PCDHGB4: variants seen among roughly 807,000 people sequenced by gnomAD.
The protein encoded by PCDHGB4 is protocadherin gamma subfamily B, 4.
Under a neutral mutation model 60.5 loss-of-function variants are expected in PCDHGB4, and 38 were observed. The observed-to-expected ratio is 0.63, with a 90% confidence interval of 0.48 to 0.82. The LOEUF (loss-of-function observed/expected upper bound fraction) is 0.82, where lower values mean the gene tolerates loss of function less well. Ranked by LOEUF, PCDHGB4 falls within the 40% of genes least tolerant of loss-of-function variation. The pLI is 0.00. For synonymous variants in PCDHGB4, 456 were observed against 509.7 expected (o/e 0.89, Z 1.42); for missense variants, 1,109 against 1,209.6 (o/e 0.92, Z 1.23).
chr5:141,490,061 A>T lies in PCDHGB4; in HGVS notation c.2398-4746A>T. The stretch of plus-strand genomic sequence containing the variant: ...GCCACTGATCCAGACGAGGGCACCA[A>T]CGGCCAACTAGACTATTCTTTTGGA... On this transcript the variant is annotated intron_variant, in intron 1 of 3. Transcript: ENST00000519479. This position sits in a 1 kb window ranked among gnomAD's most constrained non-coding sequence, Gnocchi z 5.4. 1 of 1,614,214 alleles carries T rather than the reference A, an allele frequency of 6.2e-7. No homozygotes were observed. The highest frequency in any genetic ancestry group is 8.5e-7 in the Non-Finnish European group (1 of 1,180,030).
chr5:141,400,369 T>C (rs2150855153), intron 1 of PCDHGB4: 2 of 1,614,078 alleles, frequency 1.2e-6, no homozygotes, highest in Admixed American at 3.3e-5. Context: ...GCCTTATTCC[T>C]ACAACCTATG....
In PCDHGB4 at chr5:141,431,371, A is replaced by G. The variant is rs2097366432; in HGVS notation, c.2397+41090A>G. The G allele has an allele frequency of 6.2e-7, 1 of 1,613,998 alleles. No individual in the cohort carries two copies. The highest frequency in any genetic ancestry group is 8.5e-7 in the Non-Finnish European group (1 of 1,180,038). ...TGAAACGCGCCCTGGACCGCGAAGA[A>G]AAGGCTGCTCACCACCTGGTCCTTA... On this transcript the variant is annotated intron_variant, in intron 1 of 3. Transcript: ENST00000519479. The surrounding 1 kb of genome is among the most constrained non-coding windows in gnomAD (Gnocchi z 4.8).
intron 1 of PCDHGB4, chr5:141,404,364 T>A (rs1353392173): frequency 2.5e-6 from 4 of 1,613,962 alleles, no homozygotes; most frequent in Non-Finnish European, 3.4e-6. Context: ...GGTACTTCCA[T>A]CTTCTCCGTG....
chr5:141,419,754 T>C, intron 1 of PCDHGB4: 1 of 1,613,924 alleles, frequency 6.2e-7, no homozygotes. Flanking sequence ...GTGCGTGCTT[T>C]GGGTGACAAG....
Position 141,487,540 on chromosome 5 carries a change from G to T in PCDHGB4, c.2398-7267G>T, listed in dbSNP as rs1319372340. The T allele has an allele frequency of 1.2e-6, 2 of 1,614,208 alleles. No homozygotes were observed. Among genetic ancestry groups the T allele is most frequent in the Admixed American group, 3.3e-5 (2 of 60,034 alleles). ...GGAGTGATAGCTTCATGATGGTGAA[G>T]TCACCCAGTGCACCTATGGCAGGGG... is the stretch of plus-strand genomic sequence containing the variant. On this transcript the variant is annotated intron_variant, in intron 1 of 3. Transcript: ENST00000519479. This position sits in a 1 kb window ranked among gnomAD's most constrained non-coding sequence, Gnocchi z 5.0.
chr5:141,486,019 T>C lies in PCDHGB4; in HGVS notation c.2398-8788T>C, dbSNP rs2078071. 3.2e-3 allele frequency: 5,143 copies of C among 1,613,986 alleles called. 141 individuals carry two copies. In the South Asian group the frequency reaches 0.046, roughly 14 times the overall value. ...GTGGTAACGTCACCTTTTATTTCAG[T>C]GGTCATACCCCTGATCGTGTAAGAA... On this transcript the variant is annotated intron_variant, in intron 1 of 3. Transcript: ENST00000519479. The surrounding 1 kb of genome is among the most constrained non-coding windows in gnomAD (Gnocchi z 5.0).
At chr5:141,398,604 T>C (rs2093677345) in intron 1 of PCDHGB4, 1 of 1,613,930 alleles carries the variant, frequency 6.2e-7, no homozygotes, top group South Asian at 1.1e-5. Flanking sequence ...TAGCAGAAGA[T>C]GCAGATATTG....
intron 1 of PCDHGB4, chr5:141,415,605 G>T: frequency 1.2e-6 from 2 of 1,613,122 alleles, no homozygotes; most frequent in Non-Finnish European, 1.7e-6. Flanking sequence ...ATACCCCATT[G>T]GTTCCAGTGA....
At position 141,512,346 on chromosome 5, in the gene PCDHGB4, G is replaced by A. The variant is rs1391003897; in HGVS notation, c.*1173G>A. ...CAGGCCATTCTTAGTCCCTGGGTTG[G>A]GGAGGCAGGGAGCTAGGGCAGGGAC... On this transcript the variant is annotated 3_prime_UTR_variant, in exon 4 of 4. Transcript: ENST00000519479. 6.5e-6 allele frequency: 1 copy of A among 152,876 alleles called. No individual in the cohort carries two copies. Among genetic ancestry groups the A allele is most frequent in the Non-Finnish European group, 1.5e-5 (1 of 68,232 alleles). 9.5% of individuals were successfully genotyped at this position (152,876 alleles called of 1,614,324 possible). A position where few individuals can be genotyped will look rare whatever the true frequency, so the allele number is the denominator to read the frequency against.
At chr5:141,510,814 C>T in intron 3 of PCDHGB4, 133 bp from the exon 4 acceptor site, 2 of 1,544,688 alleles carry the variant, frequency 1.3e-6, no homozygotes, top group East Asian at 4.6e-5. Context: ...TTGGTGACCC[C>T]TATATTCCCA....
rs769074023 is a variant in PCDHGB4, at chr5:141,491,738, G to A, written c.2398-3069G>A. ...GCGCCGCCCCGGGCGACCCCTGGGG[G>A]CGGCACTGGAGAAGCCGCCCGTCCT... On this transcript the variant is annotated intron_variant, in intron 1 of 3. Transcript: ENST00000519479. The surrounding 1 kb of genome is among the most constrained non-coding windows in gnomAD (Gnocchi z 6.9). 6.2e-7 allele frequency: 1 copy of A among 1,600,346 alleles called. No homozygotes were observed. The highest frequency in any genetic ancestry group is 8.5e-7 in the Non-Finnish European group (1 of 1,174,196).
At position 141,490,376 on chromosome 5, in the gene PCDHGB4, CA is replaced by C; in HGVS notation, c.2398-4430del. 1 of 1,614,184 alleles carries C rather than the reference CA, an allele frequency of 6.2e-7. No individual in the cohort carries two copies. Among genetic ancestry groups the C allele is most frequent in the African/African-American group, 1.3e-5 (1 of 75,030 alleles). On this transcript the variant is annotated intron_variant, in intron 1 of 3. Coordinates refer to ENST00000519479, the MANE Select transcript of PCDHGB4 (RefSeq NM_003736.4). This position sits in a 1 kb window ranked among gnomAD's most constrained non-coding sequence, Gnocchi z 5.4. ...TTGTTTAATGTGCGAGACCGGGACTCAGGTAGAAATGGTGAAGTGAGCCTTG... is the reference window on the plus strand; with the variant it reads ...TTGTTTAATGTGCGAGACCGGGACTCGGTAGAAATGGTGAAGTGAGCCTTG...
chr5:141,431,022 G>A lies in PCDHGB4; in HGVS notation c.2397+40741G>A. ...CGCAGCGGCAGCTTGGTCACGGCGG[G>A]CAGGATAGACCGGGAGGAGCTCTGT... On this transcript the variant is annotated intron_variant, in intron 1 of 3. Transcript: ENST00000519479. This position sits in a 1 kb window ranked among gnomAD's most constrained non-coding sequence, Gnocchi z 4.8. 1 of 1,614,078 alleles carries A rather than the reference G, an allele frequency of 6.2e-7. No individual in the cohort carries two copies. Among genetic ancestry groups the A allele is most frequent in the African/African-American group, 1.3e-5 (1 of 75,074 alleles).
In PCDHGB4 at chr5:141,388,678, C is replaced by T. The variant is rs1347655255; in HGVS notation, c.794C>T (p.Thr265Ile). ...CCGGGGACCACGGTGCTACAGGTGA[C>T]TGCCACGGACCAGGATGAGGGTGTC... is the stretch of plus-strand genomic sequence containing the variant. Reference protein sequence around the residue: ...VYPGTTVLQVTATDQDEGVNA... With the variant: ...VYPGTTVLQVIATDQDEGVNA... Residue 265 changes from threonine (T) to isoleucine (I), a missense_variant, in exon 1 of 4, where the codon ACT becomes ATT. Coordinates refer to ENST00000519479, the MANE Select transcript of PCDHGB4 (RefSeq NM_003736.4). The T allele has an allele frequency of 5.6e-6, 9 of 1,613,818 alleles. No homozygotes were observed. The highest frequency in any genetic ancestry group is 7.6e-6 in the Non-Finnish European group (9 of 1,179,862).
chr5:141,426,718 C>G, intron 1 of PCDHGB4: 1 of 446,166 alleles, frequency 2.2e-6, no homozygotes, highest in Non-Finnish European at 4.6e-6. Flanking sequence ...AATGAACTAG[C>G]AATTCCAGGC....
intron 1 of PCDHGB4, chr5:141,423,106 G>A (rs562864937): frequency 1.2e-6 from 2 of 1,613,894 alleles, no homozygotes; most frequent in Admixed American, 1.7e-5. Context: ...CACGGGCGAG[G>A]TGCGTACAGC....
Position 141,387,770 on chromosome 5 carries a change from T to A in PCDHGB4, c.-115T>A. ...CCTCCTCGGAAAAAGAAGAATTTTT[T>A]CTTGAACTGGAACTGCAACTAAAGT... On this transcript the variant is annotated 5_prime_UTR_variant, in exon 1 of 4. Transcript: ENST00000519479. 1 of 1,438,412 alleles carries A rather than the reference T, an allele frequency of 7.0e-7. No homozygotes were observed. The highest frequency in any genetic ancestry group is 9.2e-7 in the Non-Finnish European group (1 of 1,083,018). The allele number at this position is 1,438,412 out of a possible 1,614,324, so 89.1% of individuals were successfully genotyped here.
chr5:141,438,288 G>C (rs752722248), intron 1 of PCDHGB4, among the ~76,000 whole-genome samples: 18 of 151,902 alleles, frequency 1.2e-4, no homozygotes, highest in Non-Finnish European at 2.1e-4. Flanking sequence ...AATTTAATCT[G>C]TATGTAAAAG....
chr5:141,389,827 G>A lies in PCDHGB4; in HGVS notation c.1943G>A (p.Gly648Glu), dbSNP rs754189855. Reference protein sequence around the residue: ...QRLLVAVRDGGQPPLSATATL... With the variant: ...QRLLVAVRDGEQPPLSATATL... ...CTTCTGGTCGCCGTGCGTGACGGTG[G>A]ACAGCCACCACTCTCGGCCACTGCC... Residue 648 changes from glycine to glutamate, a missense_variant, in exon 1 of 4, where the codon GGA becomes GAA. By Grantham distance (98) the Gly-to-Glu change is moderately conservative (BLOSUM62 -2). Transcript: ENST00000519479. The A allele has an allele frequency of 1.4e-5, 22 of 1,613,838 alleles. No individual in the cohort carries two copies. The African/African-American group carries it at 2.7e-4, about 20-fold the overall frequency.
Sources: allele counts gnomAD v4.1 joint callset (sites outside exome capture counted in the v4.1 genomes callset), GRCh38; gene constraint gnomAD v4.1.1; non-coding constraint Gnocchi (gnomAD v3.1); transcripts MANE v1.5; gene names NCBI Gene and HGNC (gene_info 2026-07-23, HGNC 2026-07-21).